Variants in CNOT1 observed in about 807,000 individuals in gnomAD.
CNOT1 encodes CCR4-NOT transcription complex subunit 1.
CNOT1 carries 15 observed loss-of-function variants against 273.8 expected under a neutral mutation model. That is an observed-to-expected ratio of 0.05 (90% CI 0.04 to 0.08). The LOEUF (loss-of-function observed/expected upper bound fraction) is 0.08, where lower values mean the gene tolerates loss of function less well. Among genes scored for constraint, CNOT1 ranks in the 10% least tolerant of loss-of-function variants. CNOT1 has a pLI of 1.00. For missense variants in CNOT1, 1,644 were observed against 2,912.2 expected (o/e 0.56, Z 10.02); for synonymous variants, 1,022 against 1,005.5 (o/e 1.02, Z -0.31).
At chr16:58,574,906 CTTTAG>C in intron 15 of CNOT1, 96 bp downstream of exon 15, 3 of 1,557,534 alleles carry the variant, frequency 1.9e-6, no homozygotes, top group Non-Finnish European at 2.6e-6. Context: ...TCAAATTTTT[CTTTAG>C]TTTATTACTG....
At chr16:58,555,152 G>A (rs971049209) in intron 21 of CNOT1, 99 bp downstream of exon 21, 1 of 1,514,840 alleles carries the variant, frequency 6.6e-7, no homozygotes, top group African/African-American at 1.4e-5. Context: ...AGGCTGCAGT[G>A]AGCCGAGATT....
At position 58,551,638 on chromosome 16, in the gene CNOT1, G is replaced by A. The variant is rs761067797; in HGVS notation, c.3152C>T (p.Thr1051Met). The change falls in exon 23 of 49, where the codon ACG becomes ATG. Residue 1051 changes from threonine (T) to methionine (M), a missense_variant. Thr to Met is a moderately conservative substitution (Grantham distance 81). Around this residue, in one of 13 missense-constraint regions of CNOT1, gnomAD observed 77 missense variants for 90.5 expected, o/e 0.85. Transcript: ENST00000317147. ...TTSTTTTVAK[T>M]VTVTRPTGVS... ...TCCAGTTGGCCTGGTGACCGTAACC[G>A]TTTTAGCAACAGTGGTAGTTGTTGA... 11 of 1,614,066 alleles carry A rather than the reference G, an allele frequency of 6.8e-6. No homozygotes were observed. The highest frequency in any genetic ancestry group is 5.0e-5 in the Admixed American group (3 of 60,004).
chr16:58,574,895 T>G, intron 15 of CNOT1, 112 bp downstream of exon 15: 1 of 1,558,274 alleles, frequency 6.4e-7, no homozygotes, highest in Admixed American at 2.2e-5. Context: ...AGTTGTTTCT[T>G]TCAAATTTTT....
chr16:58,574,990 G>T lies in CNOT1; in HGVS notation c.1827+17C>A. The stretch of plus-strand genomic sequence containing the variant: ...CCAAAATTTAAGAGCAAAAATAAAT[G>T]AACAAATCCTGCTTACCCCATGCTC... On this transcript the variant is annotated intron_variant, in intron 15 of 48. Transcript: ENST00000317147. The T allele has an allele frequency of 1.2e-6, 2 of 1,609,214 alleles. No individual in the cohort carries two copies. The highest frequency in any genetic ancestry group is 2.2e-5 in the South Asian group (2 of 89,526).
chr16:58,601,444 A>T (rs2042460566), intron 1 of CNOT1, among the ~76,000 whole-genome samples: 1 of 152,130 alleles, frequency 6.6e-6, no homozygotes, highest in Non-Finnish European at 1.5e-5. Flanking sequence ...TGAAACACAA[A>T]AATCTCTGAA....
intron 12 of CNOT1, 78 bp downstream of exon 12, chr16:58,580,555 T>C: frequency 6.5e-7 from 1 of 1,534,104 alleles, no homozygotes; most frequent in Non-Finnish European, 8.7e-7. Context: ...GTTAACTATG[T>C]ACTTGGCTTA....
rs746959933 is a variant in CNOT1, at chr16:58,538,233, A to G, written c.5169T>C (p.Tyr1723=). ...CLIECRDEYK[Y]NVEAVELLIR... ...TTAGCAGCTCCACAGCCTCCACATT[A>G]TATTTATATTCATCTCGACATTCAA... Residue 1723 remains tyrosine (Y), a synonymous_variant, in exon 37 of 49, where the codon TAT becomes TAC. Transcript: ENST00000317147. The G allele has an allele frequency of 1.4e-6, 2 of 1,418,830 alleles. No homozygotes were observed. The highest frequency in any genetic ancestry group is 1.7e-5 in the Admixed American group (1 of 59,756). The allele number at this position is 1,418,830 out of a possible 1,614,324, so 87.9% of individuals were successfully genotyped here. A position where few individuals can be genotyped will look rare whatever the true frequency, so the allele number is the denominator to read the frequency against.
At chr16:58,576,371 A>G (rs1482923883) in intron 14 of CNOT1, 92 bp downstream of exon 14, 9 of 1,560,684 alleles carry the variant, frequency 5.8e-6, no homozygotes, top group African/African-American at 1.4e-5. Flanking sequence ...TCAGCCTCCC[A>G]AAGTGCTGGG....
rs1428092 is a variant in CNOT1, at chr16:58,547,817, C to T, written c.3523-135G>A. On this transcript the variant is annotated intron_variant, in intron 25 of 48. Transcript: ENST00000317147. The surrounding 1 kb of genome is among the most constrained non-coding windows in gnomAD (Gnocchi z 4.0). Reference sequence around the variant, plus strand: ...AAGAACAGGCCCCAAAGTAGAATTACTCTGTATATCATTCTCAATATCATT... The same window carrying T: ...AAGAACAGGCCCCAAAGTAGAATTATTCTGTATATCATTCTCAATATCATT... The T allele has an allele frequency of 0.2, 149,882 of 749,670 alleles. 16,693 individuals carry two copies. The highest frequency in any genetic ancestry group is 0.36 in the East Asian group (12,953 of 36,242). 46.4% of individuals were successfully genotyped at this position (749,670 alleles called of 1,614,324 possible).
chr16:58,553,461 G>T lies in CNOT1; in HGVS notation c.2970+321C>A, dbSNP rs114039727. Reference sequence around the variant, plus strand: ...CAATTCCCTTTTAGCATCAGGCAGGGTGTCTGTACTTTATCTAAGATAAAG... The same window carrying T: ...CAATTCCCTTTTAGCATCAGGCAGGTTGTCTGTACTTTATCTAAGATAAAG... On this transcript the variant is annotated intron_variant, in intron 22 of 48. Coordinates refer to ENST00000317147, the MANE Select transcript of CNOT1 (RefSeq NM_016284.5). 3.4e-3 allele frequency among the ~76,000 whole-genome samples: 523 copies of T among 152,214 alleles called. 2 individuals carry two copies. The highest frequency in any genetic ancestry group is 0.012 in the African/African-American group (491 of 41,520).
At chr16:58,548,295 G>C (rs1020293032) in intron 25 of CNOT1, among the ~76,000 whole-genome samples, 9 of 152,070 alleles carry the variant, frequency 5.9e-5, no homozygotes, top group Non-Finnish European at 8.8e-5. Context: ...TTTTCTAAGG[G>C]GGGGCAGAAC....
At position 58,625,356 on chromosome 16, in the gene CNOT1, C is replaced by CA. The variant is rs1243932816; in HGVS notation, c.-175+4371dup. On this transcript the variant is annotated intron_variant, in intron 1 of 48. Transcript: ENST00000317147. ...GGTGAAACCCTGTCTCTACTAAATA[C>CA]AAAAAATTAGCCGGGCATGGCGGCG... Among the ~76,000 whole-genome samples the CA allele has an allele frequency of 5.3e-5, 8 of 152,140 alleles. No individual in the cohort carries two copies. The East Asian group carries it at 7.8e-4, about 15-fold the overall frequency.
chr16:58,538,557 A>G (rs1003397471), intron 36 of CNOT1, among the ~76,000 whole-genome samples: 1 of 152,168 alleles, frequency 6.6e-6, no homozygotes, highest in Admixed American at 6.6e-5. Context: ...TTATTCCCCA[A>G]AACAAGGTAC....
At chr16:58,598,907 C>G (rs113568156) in intron 2 of CNOT1, 2 of 244,560 alleles carry the variant, frequency 8.2e-6, no homozygotes, top group East Asian at 1.8e-4. Context: ...AAAATACAGC[C>G]GGGCATGGTG....
At chr16:58,577,790 T>A (rs944474954) in intron 13 of CNOT1, among the ~76,000 whole-genome samples, 1 of 149,910 alleles carries the variant, frequency 6.7e-6, no homozygotes, top group Non-Finnish European at 1.5e-5. Flanking sequence ...CAGTGAGACA[T>A]GTTTGCATCA....
chr16:58,627,622 G>T (rs954537341), intron 1 of CNOT1, among the ~76,000 whole-genome samples: 1 of 151,418 alleles, frequency 6.6e-6, no homozygotes, highest in South Asian at 2.1e-4. Flanking sequence ...CTATGTTAAA[G>T]AGACTAGGAT....
At chr16:58,566,970 C>T (rs547426513) in intron 16 of CNOT1, among the ~76,000 whole-genome samples, 47 of 152,122 alleles carry the variant, frequency 3.1e-4, no homozygotes, top group African/African-American at 9.6e-4. Flanking sequence ...ATTAGAGGCA[C>T]GTTTCTCTCT....
chr16:58,580,678 A>T lies in CNOT1; in HGVS notation c.1298T>A (p.Ile433Asn). The change falls in exon 12 of 49, where the codon ATT becomes AAT. Residue 433 changes from isoleucine (I) to asparagine (N), a missense_variant. By Grantham distance (149) the Ile-to-Asn change is moderately radical. Transcript: ENST00000317147. ...GTCATCCTCTGGTGGTGCTTTCAGA[A>T]TATCAGTGGCAACAGTATGACAGGG... ...DYPCHTVATD[I>N]LKAPPEDDNR... 2 of 1,613,534 alleles carry T rather than the reference A, an allele frequency of 1.2e-6. No homozygotes were observed. The highest frequency in any genetic ancestry group is 1.7e-6 in the Non-Finnish European group (2 of 1,179,716).
At chr16:58,567,217 C>T (rs1394625247) in intron 16 of CNOT1, among the ~76,000 whole-genome samples, 1 of 152,030 alleles carries the variant, frequency 6.6e-6, no homozygotes, top group African/African-American at 2.4e-5. Context: ...ATGCCTATAA[C>T]CCCAGCGCTT....
Sources: allele counts gnomAD v4.1 joint callset (sites outside exome capture counted in the v4.1 genomes callset), GRCh38; gene constraint gnomAD v4.1.1; regional missense constraint gnomAD v4.1.1; non-coding constraint Gnocchi (gnomAD v3.1); transcripts MANE v1.5; gene names NCBI Gene and HGNC (gene_info 2026-07-23, HGNC 2026-07-21).